PEBP4: variants seen among roughly 807,000 people sequenced by gnomAD.
PEBP4 encodes phosphatidylethanolamine-binding protein 4.
Under a neutral mutation model 23.9 loss-of-function variants are expected in PEBP4, and 22 were observed. The observed-to-expected ratio is 0.92, with a 90% CI of 0.66 to 1.31. The LOEUF is 1.31. Among genes scored for constraint, PEBP4 ranks in the 40% most tolerant of loss-of-function variants. The pLI is 0.00. For synonymous variants in PEBP4, 112 were observed against 99.3 expected (o/e 1.13, Z -0.76); for missense variants, 324 against 281.7 (o/e 1.15, Z -1.07).
intron 1 of PEBP4, among the ~76,000 whole-genome samples, chr8:22,934,295 C>T (rs760575634): frequency 6.6e-6 from 1 of 152,072 alleles, no homozygotes; most frequent in Admixed American, 6.5e-5. Context: ...ACTCTAACAT[C>T]GGTAACACAA....
At chr8:22,807,985 C>A (rs1305135698) in intron 4 of PEBP4, among the ~76,000 whole-genome samples, 1 of 151,824 alleles carries the variant, frequency 6.6e-6, no homozygotes, top group Non-Finnish European at 1.5e-5. Flanking sequence ...ACTCACCTAA[C>A]CAATGTCTAT....
intron 4 of PEBP4, among the ~76,000 whole-genome samples, chr8:22,795,011 T>A (rs1806213036): frequency 6.6e-6 from 1 of 151,374 alleles, no homozygotes; most frequent in Non-Finnish European, 1.5e-5. Context: ...TTTCATGGCT[T>A]CCTTATTATA....
intron 4 of PEBP4, among the ~76,000 whole-genome samples, chr8:22,732,637 TGTGTGTGTG>T (rs1563197643): frequency 1.5e-4 from 3 of 19,412 alleles, no homozygotes; most frequent in Non-Finnish European, 8.0e-4. Flanking sequence ...GCCCCATTTG[TGTGTGTGTG>T]TGTGTGTGTG....
chr8:22,895,775 A>C (rs1302192116), intron 3 of PEBP4: 1 of 152,022 alleles, frequency 6.6e-6, no homozygotes, highest in Non-Finnish European at 1.5e-5. Context: ...CTTCAAGTTC[A>C]CTGATTTTTC....
chr8:22,773,482 T>A (rs1054824935), intron 4 of PEBP4, among the ~76,000 whole-genome samples: 1 of 152,068 alleles, frequency 6.6e-6, no homozygotes, highest in Non-Finnish European at 1.5e-5. Flanking sequence ...TGGAAGCCTG[T>A]GGGATTTCTC....
At chr8:22,727,330 GAGGATGGGAGAAGAAGT>G (rs1411027985) in intron 4 of PEBP4, 110 bp from the exon 5 acceptor site, 2 of 1,028,836 alleles carry the variant, frequency 1.9e-6, no homozygotes, top group African/African-American at 3.6e-5. Flanking sequence ...GGAGAGGAAG[GAGGATGGGAGAAGAAGT>G]AGGATGGGAG....
intron 3 of PEBP4, among the ~76,000 whole-genome samples, chr8:22,867,344 G>A (rs1029216274): frequency 3.3e-5 from 5 of 152,186 alleles, no homozygotes; most frequent in East Asian, 3.9e-4. Flanking sequence ...TTCATTAATC[G>A]GGCCCGCTTC....
At chr8:22,866,299 C>T (rs559157328) in intron 3 of PEBP4, among the ~76,000 whole-genome samples, 128 of 152,276 alleles carry the variant, frequency 8.4e-4, no homozygotes, top group African/African-American at 3.0e-3. Flanking sequence ...TGGTCCTTTT[C>T]GCTATCCTTC....
chr8:22,936,440 G>C (rs1809541902), intron 1 of PEBP4, among the ~76,000 whole-genome samples: 1 of 152,086 alleles, frequency 6.6e-6, no homozygotes. Context: ...TCCACAACTA[G>C]TAAGAAGATT....
intron 3 of PEBP4, among the ~76,000 whole-genome samples, chr8:22,899,762 C>T (rs983844197): frequency 2.0e-5 from 3 of 152,290 alleles, no homozygotes; most frequent in Non-Finnish European, 4.4e-5. Context: ...TCGCAGAATT[C>T]GTGCATGCAC....
At chr8:22,824,654 G>T (rs1473655225) in intron 3 of PEBP4, among the ~76,000 whole-genome samples, 1 of 152,088 alleles carries the variant, frequency 6.6e-6, no homozygotes, top group African/African-American at 2.4e-5. Flanking sequence ...GCAACTAGAG[G>T]GTCCCATGTG....
At chr8:22,728,356 T>C (rs1222445990) in intron 4 of PEBP4, among the ~76,000 whole-genome samples, 2 of 152,208 alleles carry the variant, frequency 1.3e-5, no homozygotes, top group African/African-American at 4.8e-5. Flanking sequence ...CTTGGTCAGA[T>C]ATCCCTCTTC....
chr8:22,913,646 C>T (rs1370881506), intron 3 of PEBP4, among the ~76,000 whole-genome samples: 2 of 152,206 alleles, frequency 1.3e-5, no homozygotes, highest in East Asian at 3.9e-4. Context: ...CAGTCAGTGG[C>T]CAGGTCCCAT....
chr8:22,734,422 G>C (rs532643407), intron 4 of PEBP4, among the ~76,000 whole-genome samples: 197 of 152,338 alleles, frequency 1.3e-3, no homozygotes, highest in African/African-American at 4.5e-3. Flanking sequence ...AGTACTTCTA[G>C]ACTCCAGGGT....
chr8:22,819,795 A>T (rs1433052117), intron 3 of PEBP4, among the ~76,000 whole-genome samples: 3 of 151,972 alleles, frequency 2.0e-5, no homozygotes, highest in East Asian at 3.9e-4. Context: ...TTTAGTAGAG[A>T]CGGGGTTTCA....
chr8:22,718,757 GTGTC>G (rs1563192764), intron 6 of PEBP4, among the ~76,000 whole-genome samples: 2 of 152,186 alleles, frequency 1.3e-5, no homozygotes, highest in South Asian at 4.1e-4. Context: ...GAGTGTGTTT[GTGTC>G]TGTCTGTGTG....
intron 3 of PEBP4, among the ~76,000 whole-genome samples, chr8:22,839,436 G>A (rs1358253752): frequency 6.6e-6 from 1 of 152,158 alleles, no homozygotes; most frequent in African/African-American, 2.4e-5. Context: ...GGCAGAGGCT[G>A]GAACTAAATG....
In PEBP4 at chr8:22,927,717, G is replaced by A. The variant is rs766962600; in HGVS notation, c.-3C>T. 3 of 1,613,412 alleles carry A rather than the reference G, an allele frequency of 1.9e-6. No individual in the cohort carries two copies. In the East Asian group the frequency reaches 6.7e-5, roughly 36 times the overall value. Reference sequence around the variant, plus strand: ...ACCAGCCTCATTGTCCAACCCATGGGCACCTGGAACAGAAAGAACTTTAGA... The same window carrying A: ...ACCAGCCTCATTGTCCAACCCATGGACACCTGGAACAGAAAGAACTTTAGA... On this transcript the variant is annotated 5_prime_UTR_variant, in exon 2 of 7. Coordinates refer to ENST00000256404, the MANE Select transcript of PEBP4 (RefSeq NM_144962.3).
At chr8:22,834,145 G>T (rs1013333391) in intron 3 of PEBP4, among the ~76,000 whole-genome samples, 5 of 152,180 alleles carry the variant, frequency 3.3e-5, no homozygotes, top group African/African-American at 1.2e-4. Context: ...AACACAAGTC[G>T]CCCTGCGCTC....
Sources: gnomAD v4.1 joint callset for allele counts (sites outside exome capture counted in the v4.1 genomes callset) on GRCh38, gnomAD v4.1.1 for gene constraint, MANE v1.5 for transcripts, NCBI Gene and HGNC (gene_info 2026-07-23, HGNC 2026-07-21) for gene names.